Variants in CLIC4 observed in about 807,000 individuals in gnomAD.
The protein encoded by CLIC4 is CLIC family member 4.
CLIC4 carries 13 observed loss-of-function variants against 24.6 expected under a neutral mutation model. That is an observed-to-expected ratio of 0.53 (90% CI 0.34 to 0.84). CLIC4 has a LOEUF of 0.84. Among genes scored for constraint, CLIC4 ranks in the 40% least tolerant of loss-of-function variants. CLIC4 has a pLI of 0.01. For synonymous variants in CLIC4, 104 were observed against 111.3 expected, an observed-to-expected ratio of 0.93 and a Z score of 0.41; for missense variants, 227 against 301.7, an observed-to-expected ratio of 0.75 and a Z score of 1.83.
Position 24,819,156 on chromosome 1 carries a change from A to G in CLIC4, c.308+4937A>G, listed in dbSNP as rs544228852. 1.4e-4 allele frequency among the ~76,000 whole-genome samples: 22 copies of G among 152,062 alleles called. No homozygotes were observed. In the South Asian group the frequency reaches 4.4e-3, roughly 30 times the overall value. On this transcript the variant is annotated intron_variant, in intron 3 of 5. Coordinates refer to ENST00000374379, the MANE Select transcript of CLIC4 (RefSeq NM_013943.3). Reference sequence around the variant, plus strand: ...TTTATTTTCTTAATTCTTTTTTTCTACTAAAATTCTACAAGCCTATCCTCT... The same window carrying G: ...TTTATTTTCTTAATTCTTTTTTTCTGCTAAAATTCTACAAGCCTATCCTCT...
At chr1:24,769,272 A>G (rs1639044848) in intron 1 of CLIC4, among the ~76,000 whole-genome samples, 2 of 152,250 alleles carry the variant, frequency 1.3e-5, no homozygotes, top group Admixed American at 1.3e-4. Flanking sequence ...AAAAATGATC[A>G]GTAAGTTTTT....
At chr1:24,818,513 C>A in intron 3 of CLIC4, among the ~76,000 whole-genome samples, 1 of 152,260 alleles carries the variant, frequency 6.6e-6, no homozygotes, top group East Asian at 1.9e-4. Flanking sequence ...TCTCGAAATC[C>A]TGACCTCAAG....
intron 3 of CLIC4, among the ~76,000 whole-genome samples, chr1:24,820,694 GAGA>G (rs901161878): frequency 2.8e-5 from 4 of 140,868 alleles, no homozygotes; most frequent in Admixed American, 7.7e-5. Flanking sequence ...ATTATAAATG[GAGA>G]AGTAGTTTGA....
intron 3 of CLIC4, among the ~76,000 whole-genome samples, chr1:24,815,898 C>T (rs1362796334): frequency 6.6e-6 from 1 of 152,124 alleles, no homozygotes; most frequent in Non-Finnish European, 1.5e-5. Flanking sequence ...ACAACTAAGT[C>T]GATGTAATAT....
At chr1:24,758,655 C>T (rs975803459) in intron 1 of CLIC4, among the ~76,000 whole-genome samples, 2 of 152,048 alleles carry the variant, frequency 1.3e-5, no homozygotes, top group Admixed American at 6.6e-5. Context: ...CAGGGTTTCG[C>T]CGTTGTTCGC....
intron 1 of CLIC4, among the ~76,000 whole-genome samples, chr1:24,752,560 C>T (rs1312617816): frequency 6.6e-6 from 1 of 152,168 alleles, no homozygotes; most frequent in African/African-American, 2.4e-5. Flanking sequence ...AGAAGTTCTA[C>T]CTGTTACTTC....
chr1:24,811,244 G>A (rs1178282550), intron 2 of CLIC4, among the ~76,000 whole-genome samples: 1 of 152,118 alleles, frequency 6.6e-6, no homozygotes, highest in East Asian at 1.9e-4. Flanking sequence ...CTTAGAAGAG[G>A]TTTCTCGTGT....
At position 24,843,620 on chromosome 1, in the gene CLIC4, A is replaced by T. The variant is rs891637046; in HGVS notation, c.*2683A>T. The T allele has an allele frequency of 1.3e-5, 2 of 152,198 alleles. No homozygotes were observed. Among genetic ancestry groups the T allele is most frequent in the African/African-American group, 2.4e-5 (1 of 41,444 alleles). 9.4% of individuals were successfully genotyped at this position (152,198 alleles called of 1,614,324 possible). A position where few individuals can be genotyped will look rare whatever the true frequency, so the allele number is the denominator to read the frequency against. ...TACAGTTCTGTTGTCTTTTACTAGG[A>T]CTGTAAACTTTTGTGATAAAATTCA... On this transcript the variant is annotated 3_prime_UTR_variant, in exon 6 of 6. Coordinates refer to ENST00000374379, the MANE Select transcript of CLIC4 (RefSeq NM_013943.3).
intron 2 of CLIC4, among the ~76,000 whole-genome samples, chr1:24,804,347 CTG>C (rs575316573): frequency 7.3e-6 from 1 of 136,918 alleles, no homozygotes; most frequent in Non-Finnish European, 1.5e-5. Context: ...TGTGTACCCA[CTG>C]TGTGTGTGGG....
At chr1:24,756,534 T>C (rs1638852139) in intron 1 of CLIC4, among the ~76,000 whole-genome samples, 1 of 152,216 alleles carries the variant, frequency 6.6e-6, no homozygotes, top group Non-Finnish European at 1.5e-5. Flanking sequence ...AACTCATTCT[T>C]ATGAAAAGAT....
intron 1 of CLIC4, among the ~76,000 whole-genome samples, chr1:24,756,189 C>T (rs1218280642): frequency 6.6e-6 from 1 of 152,028 alleles, no homozygotes; most frequent in African/African-American, 2.4e-5. Flanking sequence ...CTAGTAGAGA[C>T]GGGGTTTCAC....
At chr1:24,789,272 C>G (rs2124122042) in intron 1 of CLIC4, among the ~76,000 whole-genome samples, 1 of 152,346 alleles carries the variant, frequency 6.6e-6, no homozygotes, top group Admixed American at 6.5e-5. Context: ...AATCCCAGCA[C>G]TTTGGGAGAC....
intron 4 of CLIC4, among the ~76,000 whole-genome samples, chr1:24,836,922 T>C (rs1639891491): frequency 1.3e-5 from 2 of 152,132 alleles, no homozygotes; most frequent in Admixed American, 1.3e-4. Context: ...AATCCACAGA[T>C]TGAAAAAGAA....
intron 1 of CLIC4, among the ~76,000 whole-genome samples, chr1:24,788,292 C>T (rs1639294275): frequency 6.6e-6 from 1 of 152,178 alleles, no homozygotes; most frequent in Non-Finnish European, 1.5e-5. Flanking sequence ...GCCTGGCCAC[C>T]AGGTTCTAAT....
At chr1:24,798,858 G>C (rs1308815472) in intron 2 of CLIC4, among the ~76,000 whole-genome samples, 1 of 152,254 alleles carries the variant, frequency 6.6e-6, no homozygotes, top group Non-Finnish European at 1.5e-5. Context: ...TGTTGGCCGG[G>C]CAGGTCTCCA....
chr1:24,797,214 A>C (rs1639415050), intron 1 of CLIC4, among the ~76,000 whole-genome samples: 1 of 151,448 alleles, frequency 6.6e-6, no homozygotes, highest in Admixed American at 6.6e-5. Flanking sequence ...AGCCTCCCAA[A>C]GTGCTGGGAT....
chr1:24,751,669 G>C (rs1309160899), intron 1 of CLIC4, among the ~76,000 whole-genome samples: 1 of 152,146 alleles, frequency 6.6e-6, no homozygotes, highest in Non-Finnish European at 1.5e-5. Context: ...TCTCCATCCA[G>C]CTTGGCCAAC....
At chr1:24,791,332 A>T (rs891803066) in intron 1 of CLIC4, among the ~76,000 whole-genome samples, 2 of 152,220 alleles carry the variant, frequency 1.3e-5, no homozygotes, top group African/African-American at 4.8e-5. Flanking sequence ...AATAGACTGT[A>T]TTCAGTGTAG....
chr1:24,767,497 T>C (rs926953257), intron 1 of CLIC4, among the ~76,000 whole-genome samples: 1 of 152,228 alleles, frequency 6.6e-6, no homozygotes, highest in Admixed American at 6.5e-5. Flanking sequence ...GTGGGAACTT[T>C]TCATTCTTTA....
Sources: allele counts gnomAD v4.1 joint callset (sites outside exome capture counted in the v4.1 genomes callset), GRCh38; gene constraint gnomAD v4.1.1; transcripts MANE v1.5; gene names NCBI Gene and HGNC (gene_info 2026-07-23, HGNC 2026-07-21).